The following GRB14 variants were observed in gnomAD, a reference collection of about 807,000 sequenced individuals.
GRB14 encodes growth factor receptor bound protein 14.
In GRB14, 38 loss-of-function variants were observed where a neutral mutation model predicts 69.1. The observed-to-expected ratio is 0.55, with a 90% confidence interval of 0.42 to 0.72. GRB14 has a LOEUF of 0.72. Ranked by LOEUF, GRB14 falls within the 30% of genes least tolerant of loss-of-function variation. The pLI is 0.00. For missense variants in GRB14, 666 were observed against 666.1 expected (o/e 1.00, Z 0.00); for synonymous variants, 247 against 241.3 (o/e 1.02, Z -0.22).
At chr2:164,505,501 C>T (rs905501073) in intron 8 of GRB14, among the ~76,000 whole-genome samples, 1 of 152,162 alleles carries the variant, frequency 6.6e-6, no homozygotes, top group Non-Finnish European at 1.5e-5. Flanking sequence ...CAGTGGAACA[C>T]AGCCCCATGC....
At chr2:164,516,568 C>A (rs1344670196) in intron 6 of GRB14, among the ~76,000 whole-genome samples, 1 of 151,780 alleles carries the variant, frequency 6.6e-6, no homozygotes, top group Non-Finnish European at 1.5e-5. Flanking sequence ...GGGATTGGGG[C>A]CCTATCTTTA....
intron 2 of GRB14, among the ~76,000 whole-genome samples, chr2:164,579,472 A>C: frequency 6.6e-6 from 1 of 151,938 alleles, no homozygotes; most frequent in African/African-American, 2.4e-5. Flanking sequence ...TACCCTGGCC[A>C]GGACCTCATT....
chr2:164,530,696 T>C (rs1398260555), intron 3 of GRB14, among the ~76,000 whole-genome samples: 1 of 151,886 alleles, frequency 6.6e-6, no homozygotes, highest in African/African-American at 2.4e-5. Flanking sequence ...AGGAGGTTAG[T>C]GTGGCTAATG....
intron 2 of GRB14, among the ~76,000 whole-genome samples, chr2:164,587,591 A>C (rs1689568163): frequency 6.6e-6 from 1 of 152,158 alleles, no homozygotes; most frequent in Non-Finnish European, 1.5e-5. Flanking sequence ...TTTTCATACT[A>C]CATACTAACA....
intron 2 of GRB14, among the ~76,000 whole-genome samples, chr2:164,613,063 C>A (rs1243750702): frequency 6.6e-6 from 1 of 152,124 alleles, no homozygotes; most frequent in Non-Finnish European, 1.5e-5. Flanking sequence ...GACGTAAGCT[C>A]AGGAAAATGG....
chr2:164,607,634 T>C (rs1690071850), intron 2 of GRB14, among the ~76,000 whole-genome samples: 1 of 152,270 alleles, frequency 6.6e-6, no homozygotes, highest in East Asian at 1.9e-4. Context: ...ATAATACAAC[T>C]GAAAATGACA....
intron 2 of GRB14, among the ~76,000 whole-genome samples, chr2:164,556,269 C>T (rs2105318121): frequency 6.6e-6 from 1 of 152,214 alleles, no homozygotes; most frequent in South Asian, 2.1e-4. Flanking sequence ...TATTATTTTG[C>T]TAGCTGTCAA....
At chr2:164,551,163 C>A (rs1055737028) in intron 2 of GRB14, among the ~76,000 whole-genome samples, 2 of 152,152 alleles carry the variant, frequency 1.3e-5, no homozygotes, top group Admixed American at 1.3e-4. Context: ...ATCGCCTCAG[C>A]TCCAGGGTGG....
At chr2:164,502,045 TATA>T (rs1361460154) in intron 9 of GRB14, among the ~76,000 whole-genome samples, 1 of 151,970 alleles carries the variant, frequency 6.6e-6, no homozygotes, top group South Asian at 2.1e-4. Flanking sequence ...ATACTTTATG[TATA>T]ATGATATGAT....
At chr2:164,605,804 T>C (rs762675922) in intron 2 of GRB14, among the ~76,000 whole-genome samples, 2 of 152,128 alleles carry the variant, frequency 1.3e-5, no homozygotes, top group African/African-American at 2.4e-5. Context: ...GGTAGTGATA[T>C]AGATACCAAT....
At chr2:164,582,150 C>A (rs73028077) in intron 2 of GRB14, among the ~76,000 whole-genome samples, 10,483 of 152,204 alleles carry the variant, frequency 0.069, 884 homozygotes, top group African/African-American at 0.2. Flanking sequence ...GACTCACATG[C>A]AATTCAAACT....
chr2:164,508,482 G>C lies in GRB14; in HGVS notation c.996C>G (p.Cys332Trp), dbSNP rs745384120. ...TAAGCAATCTAATCGCGGTCACCCA[G>C]CACGTCCTACTCTGCTCTTCTTCTG... ...LCAEEEQSRT[C>W]WVTAIRLLKY... The change falls in exon 8 of 14, where the codon TGC becomes TGG. Residue 332 changes from cysteine to tryptophan, a missense_variant. Coordinates refer to ENST00000263915, the MANE Select transcript of GRB14 (RefSeq NM_004490.3). 1.2e-6 allele frequency: 2 copies of C among 1,613,882 alleles called. No individual in the cohort carries two copies. Among genetic ancestry groups the C allele is most frequent in the African/African-American group, 2.7e-5 (2 of 74,902 alleles).
rs375133203 is a variant in GRB14, at chr2:164,613,791, G to A, written c.324+5896C>T. Among the ~76,000 whole-genome samples the A allele has an allele frequency of 9.1e-4, 139 of 152,198 alleles. 4 individuals are homozygous for A. In the South Asian group the frequency reaches 0.028, roughly 31 times the overall value. ...GCTGGTTCATTTGAGGCTCTGTTTT[G>A]TCTGAACAATCAATACCTGGCTAAA... On this transcript the variant is annotated intron_variant, in intron 2 of 13. Transcript: ENST00000263915.
intron 3 of GRB14, among the ~76,000 whole-genome samples, chr2:164,532,568 G>T (rs1451394798): frequency 6.6e-6 from 1 of 152,096 alleles, no homozygotes; most frequent in African/African-American, 2.4e-5. Flanking sequence ...TAAGACAGAG[G>T]CAGGTGATTT....
chr2:164,565,683 G>A (rs1688953614), intron 2 of GRB14, among the ~76,000 whole-genome samples: 1 of 152,178 alleles, frequency 6.6e-6, no homozygotes, highest in Non-Finnish European at 1.5e-5. Flanking sequence ...TGCTGAGGAT[G>A]TGATCGTTTC....
chr2:164,504,974 A>G (rs988996937), intron 8 of GRB14, among the ~76,000 whole-genome samples: 6 of 152,284 alleles, frequency 3.9e-5, no homozygotes, highest in African/African-American at 9.6e-5. Flanking sequence ...GCCCCCAGAC[A>G]AGACGTCTGG....
At chr2:164,515,571 C>T (rs989268976) in intron 6 of GRB14, among the ~76,000 whole-genome samples, 4 of 152,154 alleles carry the variant, frequency 2.6e-5, no homozygotes, top group Non-Finnish European at 4.4e-5. Context: ...GGCAGCCCTT[C>T]AGCCACAAAT....
At chr2:164,558,085 G>GA (rs1401038877) in intron 2 of GRB14, among the ~76,000 whole-genome samples, 3 of 151,980 alleles carry the variant, frequency 2.0e-5, no homozygotes, top group Admixed American at 6.6e-5. Flanking sequence ...CCAACCAAGA[G>GA]AAAAAAAGCC....
intron 6 of GRB14, among the ~76,000 whole-genome samples, chr2:164,519,903 G>A (rs1687593305): frequency 1.3e-5 from 2 of 151,956 alleles, no homozygotes; most frequent in South Asian, 4.2e-4. Flanking sequence ...GCTCATGGAT[G>A]GGCAGAATCA....
Sources: gnomAD v4.1 joint callset for allele counts (sites outside exome capture counted in the v4.1 genomes callset) on GRCh38, gnomAD v4.1.1 for gene constraint, MANE v1.5 for transcripts, NCBI Gene and HGNC (gene_info 2026-07-23, HGNC 2026-07-21) for gene names.